The following GPR45 variants were observed in gnomAD, a reference collection of about 807,000 sequenced individuals.
The protein encoded by GPR45 is G protein-coupled receptor 45.
Under a neutral mutation model 5.9 loss-of-function variants are expected in GPR45, and 7 were observed. The observed-to-expected ratio is 1.19, with a 90% CI of 0.68 to 2.23. GPR45 has a LOEUF of 2.23. Ranked by LOEUF, GPR45 falls within the 30% of genes most tolerant of loss-of-function variation. GPR45 has a pLI of 0.00. For missense variants in GPR45, 440 were observed against 496.9 expected (o/e 0.89, Z 1.09); for synonymous variants, 220 against 226.3 (o/e 0.97, Z 0.25).
chr2:105,242,575 G>C lies in GPR45; in HGVS notation c.717G>C (p.Arg239=), dbSNP rs74816185. ...ACCAGTCGGACAGCCTGGACCTGCGGCAGCTCACCAGGGCGGGCCTGCGGC... is the reference window on the plus strand; with the variant it reads ...ACCAGTCGGACAGCCTGGACCTGCGCCAGCTCACCAGGGCGGGCCTGCGGC... ...VHNQSDSLDL[R]QLTRAGLRRL... Residue 239 remains arginine, a synonymous_variant, in exon 1 of 1, where the codon CGG becomes CGC. Coordinates refer to ENST00000258456, the MANE Select transcript of GPR45 (RefSeq NM_007227.3). This position sits in a 1 kb window ranked among gnomAD's most constrained non-coding sequence, Gnocchi z 4.8. 3,179 of 1,610,844 alleles carry C rather than the reference G, an allele frequency of 2.0e-3. 51 individuals are homozygous for C. In the African/African-American group the frequency reaches 0.038, roughly 19 times the overall value.
In GPR45 at chr2:105,241,816, C is replaced by T; in HGVS notation, c.-43C>T. The stretch of plus-strand genomic sequence containing the variant: ...GCAGCCACCCAAGTGCTGAGGGGAG[C>T]CCTCCCGGCCATTTCTGTCCCAGCT... On this transcript the variant is annotated 5_prime_UTR_variant, in exon 1 of 1. Coordinates refer to ENST00000258456, the MANE Select transcript of GPR45 (RefSeq NM_007227.3). 6.6e-7 allele frequency: 1 copy of T among 1,520,322 alleles called. No homozygotes were observed. 94.2% of individuals were successfully genotyped at this position (1,520,322 alleles called of 1,614,324 possible).
chr2:105,242,352 C>T lies in GPR45; in HGVS notation c.494C>T (p.Pro165Leu), dbSNP rs759537674. 1.9e-6 allele frequency: 3 copies of T among 1,613,528 alleles called. No individual in the cohort carries two copies. The highest frequency in any genetic ancestry group is 1.7e-5 in the Admixed American group (1 of 60,000). The change falls in exon 1 of 1, where the codon CCC becomes CTC. Residue 165 changes from proline to leucine, a missense_variant. Transcript: ENST00000258456. The surrounding 1 kb of genome is among the most constrained non-coding windows in gnomAD (Gnocchi z 4.8). ...GTGCTGTCCTTCTGCATCGCGGGGC[C>T]CTCGCTCACGGGCTGGACGCTGGTG... ...SWVLSFCIAG[P>L]SLTGWTLVEV...
rs2576727 is a variant in GPR45 at position 105,241,939 on chromosome 2, C to T, written c.81C>T (p.Thr27=). The T allele has an allele frequency of 2.2e-3, 3,586 of 1,611,956 alleles. 6 individuals carry two copies. The highest frequency in any genetic ancestry group is 2.8e-3 in the Non-Finnish European group (3,341 of 1,178,512). Residue 27 remains threonine, a synonymous_variant, in exon 1 of 1, where the codon ACC becomes ACT. Coordinates refer to ENST00000258456, the MANE Select transcript of GPR45 (RefSeq NM_007227.3). ...GCAACGCCTCAGACTCGGGGTCCAC[C>T]CAGTTGCCCGCACCCCTCAGGATCT... ...NTSNASDSGS[T]QLPAPLRISL... is the part of the protein sequence containing the mutation.
rs1558799486 is a variant in GPR45, at chr2:105,242,346, C to T, written c.488C>T (p.Ala163Val). 3 of 1,613,566 alleles carry T rather than the reference C, an allele frequency of 1.9e-6. No individual in the cohort carries two copies. The highest frequency in any genetic ancestry group is 2.2e-5 in the East Asian group (1 of 44,880). ...TCCTGGGTGCTGTCCTTCTGCATCG[C>T]GGGGCCCTCGCTCACGGGCTGGACG... ...AVSWVLSFCI[A>V]GPSLTGWTLV... Residue 163 changes from alanine (A) to valine (V), a missense_variant, in exon 1 of 1, where the codon GCG (alanine) becomes GTG (valine). By Grantham distance (64) the Ala-to-Val change is moderately conservative. Transcript: ENST00000258456. This position sits in a 1 kb window ranked among gnomAD's most constrained non-coding sequence, Gnocchi z 4.8.
rs879196838 is a variant in GPR45, at chr2:105,242,984, A to C, written c.*7A>C. ...AAACCAGTCTGCGGTTTAGGGGGTC[A>C]GGGGGCCACAGAGAAGGGGCAGCTG... On this transcript the variant is annotated 3_prime_UTR_variant, in exon 1 of 1. Transcript: ENST00000258456. This position sits in a 1 kb window ranked among gnomAD's most constrained non-coding sequence, Gnocchi z 4.8. The C allele has an allele frequency of 6.2e-7, 1 of 1,609,410 alleles. No individual in the cohort carries two copies. Among genetic ancestry groups the C allele is most frequent in the Admixed American group, 1.7e-5 (1 of 59,812 alleles).
At position 105,241,808 on chromosome 2, in the gene GPR45, G is replaced by A. The variant is rs1676356860; in HGVS notation, c.-51G>A. The A allele has an allele frequency of 6.6e-7, 1 of 1,518,760 alleles. No homozygotes were observed. The highest frequency in any genetic ancestry group is 8.8e-7 in the Non-Finnish European group (1 of 1,133,002). 94.1% of individuals were successfully genotyped at this position (1,518,760 alleles called of 1,614,324 possible). ...AAAGAATGGCAGCCACCCAAGTGCT[G>A]AGGGGAGCCCTCCCGGCCATTTCTG... is the stretch of plus-strand genomic sequence containing the variant. On this transcript the variant is annotated 5_prime_UTR_variant, in exon 1 of 1. The change abolishes the stop of an existing upstream ORF in the 5' untranslated region. Transcript: ENST00000258456.
chr2:105,242,054 C>A lies in GPR45; in HGVS notation c.196C>A (p.Arg66Ser), dbSNP rs201195065. 1 of 1,614,158 alleles carries A rather than the reference C, an allele frequency of 6.2e-7. No individual in the cohort carries two copies. The highest frequency in any genetic ancestry group is 8.5e-7 in the Non-Finnish European group (1 of 1,180,002). ...CIIVYQRPAM[R>S]SAINLLLATL... ...CATCGTGTACCAGAGGCCGGCTATG[C>A]GCTCGGCCATCAACCTGCTGCTGGC... The change falls in exon 1 of 1, where the codon CGC (arginine) becomes AGC (serine). Residue 66 changes from arginine to serine, a missense_variant. Arg to Ser is a moderately radical substitution (Grantham distance 110). Transcript: ENST00000258456. The surrounding 1 kb of genome is among the most constrained non-coding windows in gnomAD (Gnocchi z 4.8).
At position 105,242,548 on chromosome 2, in the gene GPR45, C is replaced by T. The variant is rs201940295; in HGVS notation, c.690C>T (p.His230=). 6 of 1,609,056 alleles carry T rather than the reference C, an allele frequency of 3.7e-6. No individual in the cohort carries two copies. The Admixed American group carries it at 6.7e-5, about 18-fold the overall frequency. The change falls in exon 1 of 1, where the codon CAC becomes CAT. Residue 230 remains histidine (H), a synonymous_variant. Coordinates refer to ENST00000258456, the MANE Select transcript of GPR45 (RefSeq NM_007227.3). The surrounding 1 kb of genome is among the most constrained non-coding windows in gnomAD (Gnocchi z 4.8). ...TCCGCAAGAACGCCGTGCGCGTGCACAACCAGTCGGACAGCCTGGACCTGC... is the reference window on the plus strand; with the variant it reads ...TCCGCAAGAACGCCGTGCGCGTGCATAACCAGTCGGACAGCCTGGACCTGC... The part of the protein sequence containing the change: ...NTVRKNAVRV[H]NQSDSLDLRQ...
chr2:105,243,101 A>ACCTTTGTG lies in GPR45; in HGVS notation c.*125_*126insCTTTGTGC. On this transcript the variant is annotated 3_prime_UTR_variant, in exon 1 of 1. Coordinates refer to ENST00000258456, the MANE Select transcript of GPR45 (RefSeq NM_007227.3). ...GTGGTGGCAATTTAAGCACAAAGGT[A>ACCTTTGTG]CTCATTTGTAATCAGATGAGCTGCA... is the stretch of plus-strand genomic sequence containing the variant. 8.0e-7 allele frequency: 1 copy of ACCTTTGTG among 1,256,406 alleles called. No homozygotes were observed. The highest frequency in any genetic ancestry group is 1.1e-6 in the Non-Finnish European group (1 of 910,504). The allele number at this position is 1,256,406 out of a possible 1,614,324, so 77.8% of individuals were successfully genotyped here. A position where few individuals can be genotyped will look rare whatever the true frequency, so the allele number is the denominator to read the frequency against.
At position 105,243,003 on chromosome 2, in the gene GPR45, G is replaced by A. The variant is rs1028188598; in HGVS notation, c.*26G>A. On this transcript the variant is annotated 3_prime_UTR_variant, in exon 1 of 1. Coordinates refer to ENST00000258456, the MANE Select transcript of GPR45 (RefSeq NM_007227.3). Reference sequence around the variant, plus strand: ...GGGGTCAGGGGGCCACAGAGAAGGGGCAGCTGAGCCCCAGTCCCAGGGTGG... The same window carrying A: ...GGGGTCAGGGGGCCACAGAGAAGGGACAGCTGAGCCCCAGTCCCAGGGTGG... 6.2e-6 allele frequency: 10 copies of A among 1,602,420 alleles called. No individual in the cohort carries two copies. Among genetic ancestry groups the A allele is most frequent in the Non-Finnish European group, 8.5e-6 (10 of 1,172,958 alleles).
Position 105,243,131 on chromosome 2 carries a change from C to T in GPR45, c.*154C>T. 9.9e-7 allele frequency: 1 copy of T among 1,013,064 alleles called. No individual in the cohort carries two copies. Among genetic ancestry groups the T allele is most frequent in the Non-Finnish European group, 1.4e-6 (1 of 711,130 alleles). 62.8% of individuals were successfully genotyped at this position (1,013,064 alleles called of 1,614,324 possible). Reference sequence around the variant, plus strand: ...TTTGTAATCAGATGAGCTGCAGCTCCCAAATTTCAAATTTTGGCACGATGA... The same window carrying T: ...TTTGTAATCAGATGAGCTGCAGCTCTCAAATTTCAAATTTTGGCACGATGA... On this transcript the variant is annotated 3_prime_UTR_variant, in exon 1 of 1. Transcript: ENST00000258456.
Position 105,242,556 on chromosome 2 carries a change from C to T in GPR45, c.698C>T (p.Ser233Leu). ...RKNAVRVHNQ[S>L]DSLDLRQLTR... ...AACGCCGTGCGCGTGCACAACCAGT[C>T]GGACAGCCTGGACCTGCGGCAGCTC... is the stretch of plus-strand genomic sequence containing the variant. Residue 233 changes from serine (S) to leucine (L), a missense_variant, in exon 1 of 1, where the codon TCG becomes TTG. By Grantham distance (145) the Ser-to-Leu change is moderately radical. Coordinates refer to ENST00000258456, the MANE Select transcript of GPR45 (RefSeq NM_007227.3). The surrounding 1 kb of genome is among the most constrained non-coding windows in gnomAD (Gnocchi z 4.8). 3.7e-6 allele frequency: 6 copies of T among 1,609,676 alleles called. No homozygotes were observed. The highest frequency in any genetic ancestry group is 5.1e-6 in the Non-Finnish European group (6 of 1,179,918).
Position 105,241,834 on chromosome 2 carries a change from T to A in GPR45, c.-25T>A. 1 of 1,529,946 alleles carries A rather than the reference T, an allele frequency of 6.5e-7. No homozygotes were observed. The highest frequency in any genetic ancestry group is 1.3e-5 in the South Asian group (1 of 78,234). 94.8% of individuals were successfully genotyped at this position (1,529,946 alleles called of 1,614,324 possible). A position where few individuals can be genotyped will look rare whatever the true frequency, so the allele number is the denominator to read the frequency against. ...AGGGGAGCCCTCCCGGCCATTTCTG[T>A]CCCAGCTCCAAGGGTCTCTCCACGA... On this transcript the variant is annotated 5_prime_UTR_variant, in exon 1 of 1. Coordinates refer to ENST00000258456, the MANE Select transcript of GPR45 (RefSeq NM_007227.3).
chr2:105,242,290 C>T lies in GPR45; in HGVS notation c.432C>T (p.Asn144=), dbSNP rs760679932. ...LIIVQRQDKL[N]PRRAKVIIAV... ...TCGTCCAGCGCCAGGACAAGCTGAA[C>T]CCGCGCAGGGCCAAGGTGATCATCG... The change falls in exon 1 of 1, where the codon AAC becomes AAT. Residue 144 remains asparagine (N), a synonymous_variant. Transcript: ENST00000258456. The surrounding 1 kb of genome is among the most constrained non-coding windows in gnomAD (Gnocchi z 4.8). 2 of 1,614,160 alleles carry T rather than the reference C, an allele frequency of 1.2e-6. No homozygotes were observed. The highest frequency in any genetic ancestry group is 2.2e-5 in the South Asian group (2 of 91,088).
In GPR45 at chr2:105,242,095, C is replaced by T. The variant is rs1676363791; in HGVS notation, c.237C>T (p.Ser79=). Residue 79 remains serine, a synonymous_variant, in exon 1 of 1, where the codon TCC becomes TCT. Coordinates refer to ENST00000258456, the MANE Select transcript of GPR45 (RefSeq NM_007227.3). This position sits in a 1 kb window ranked among gnomAD's most constrained non-coding sequence, Gnocchi z 4.8. The stretch of plus-strand genomic sequence containing the variant: ...TGCTGCTGGCCACCCTGGCCTTCTC[C>T]GACATCATGCTGTCCCTCTGCTGCA... ...INLLLATLAF[S]DIMLSLCCMP... 3.7e-6 allele frequency: 6 copies of T among 1,614,206 alleles called. No homozygotes were observed. In the East Asian group the frequency reaches 6.7e-5, roughly 18 times the overall value.
chr2:105,241,848 G>T lies in GPR45; in HGVS notation c.-11G>T, dbSNP rs200448420. On this transcript the variant is annotated 5_prime_UTR_variant, in exon 1 of 1. Coordinates refer to ENST00000258456, the MANE Select transcript of GPR45 (RefSeq NM_007227.3). ...GGCCATTTCTGTCCCAGCTCCAAGG[G>T]TCTCTCCACGATGGCCTGCAACAGC... 2 of 1,542,412 alleles carry T rather than the reference G, an allele frequency of 1.3e-6. No individual in the cohort carries two copies. Among genetic ancestry groups the T allele is most frequent in the East Asian group, 2.3e-5 (1 of 44,076 alleles).
Position 105,242,741 on chromosome 2 carries a change from C to G in GPR45, c.883C>G (p.Arg295Gly). 1 of 1,613,772 alleles carries G rather than the reference C, an allele frequency of 6.2e-7. No homozygotes were observed. The highest frequency in any genetic ancestry group is 8.5e-7 in the Non-Finnish European group (1 of 1,179,732). The change falls in exon 1 of 1, where the codon CGC (arginine) becomes GGC (glycine). Residue 295 changes from arginine (R) to glycine (G), a missense_variant. By Grantham distance (125) the Arg-to-Gly change is moderately radical (BLOSUM62 -2). Coordinates refer to ENST00000258456, the MANE Select transcript of GPR45 (RefSeq NM_007227.3). The surrounding 1 kb of genome is among the most constrained non-coding windows in gnomAD (Gnocchi z 4.8). Reference protein sequence around the residue: ...VYSLLSVFSQRFYCGSSFYAT... With the variant: ...VYSLLSVFSQGFYCGSSFYAT... ...CAGCCTCCTGTCTGTGTTTAGCCAGCGCTTTTACTGCGGTTCCTCCTTCTA... is the reference window on the plus strand; with the variant it reads ...CAGCCTCCTGTCTGTGTTTAGCCAGGGCTTTTACTGCGGTTCCTCCTTCTA...
Position 105,242,410 on chromosome 2 carries a change from G to A in GPR45, c.552G>A (p.Leu184=). ...CGGCGCGGGCCCCACAGTGCGTGCTGGGCTACACGGAGCTCCCCGCTGACC... is the reference window on the plus strand; with the variant it reads ...CGGCGCGGGCCCCACAGTGCGTGCTAGGCTACACGGAGCTCCCCGCTGACC... The part of the protein sequence containing the change: ...EVPARAPQCV[L]GYTELPADRA... Residue 184 remains leucine (L), a synonymous_variant, in exon 1 of 1, where the codon CTG becomes CTA. Coordinates refer to ENST00000258456, the MANE Select transcript of GPR45 (RefSeq NM_007227.3). The surrounding 1 kb of genome is among the most constrained non-coding windows in gnomAD (Gnocchi z 4.8). The A allele has an allele frequency of 6.2e-7, 1 of 1,611,642 alleles. No individual in the cohort carries two copies. Among genetic ancestry groups the A allele is most frequent in the Non-Finnish European group, 8.5e-7 (1 of 1,179,750 alleles).
At position 105,242,707 on chromosome 2, in the gene GPR45, C is replaced by G. The variant is rs1226567213; in HGVS notation, c.849C>G (p.His283Gln). Reference protein sequence around the residue: ...FVGFSLCWLPHSVYSLLSVFS... With the variant: ...FVGFSLCWLPQSVYSLLSVFS... ...GCTTCTCCCTCTGCTGGCTGCCCCA[C>G]TCCGTCTACAGCCTCCTGTCTGTGT... The change falls in exon 1 of 1, where the codon CAC (histidine) becomes CAG (glutamine). Residue 283 changes from histidine (H) to glutamine (Q), a missense_variant. By Grantham distance (24) the His-to-Gln change is conservative. Coordinates refer to ENST00000258456, the MANE Select transcript of GPR45 (RefSeq NM_007227.3). The surrounding 1 kb of genome is among the most constrained non-coding windows in gnomAD (Gnocchi z 4.8). The G allele has an allele frequency of 6.2e-6, 10 of 1,607,960 alleles. No individual in the cohort carries two copies. Among genetic ancestry groups the G allele is most frequent in the Non-Finnish European group, 7.7e-6 (9 of 1,175,964 alleles).
Sources: allele counts gnomAD v4.1 joint callset, GRCh38; gene constraint gnomAD v4.1.1; non-coding constraint Gnocchi (gnomAD v3.1); transcripts MANE v1.5; gene names NCBI Gene and HGNC (gene_info 2026-07-23, HGNC 2026-07-21).